SECISBP2: variants seen among roughly 807,000 people sequenced by gnomAD.
SECISBP2 encodes selenocysteine insertion sequence-binding protein 2.
Under a neutral mutation model 98.2 loss-of-function variants are expected in SECISBP2, and 96 were observed. The ratio of observed to expected loss-of-function variants is 0.98; its 90% confidence interval spans 0.83 to 1.16. The LOEUF is 1.16. Ranked by LOEUF, SECISBP2 falls within the 50% of genes most tolerant of loss-of-function variation. The pLI is 0.00. For synonymous variants in SECISBP2, 407 were observed against 370.2 expected (o/e 1.10, Z -1.14); for missense variants, 1,046 against 1,022.9 (o/e 1.02, Z -0.31).
the SECISBP2 span, among the ~76,000 whole-genome samples, chr9:89,365,914 C>T: frequency 2.0e-5 from 3 of 152,206 alleles, no homozygotes; most frequent in Admixed American, 1.3e-4. Flanking sequence ...GTGGCATCTG[C>T]TCATCTTTGT....
At chr9:89,331,073 G>A (rs970807229) in intron 5 of SECISBP2, among the ~76,000 whole-genome samples, 2 of 152,078 alleles carry the variant, frequency 1.3e-5, no homozygotes, top group Non-Finnish European at 2.9e-5. Context: ...GTCTGAAAAT[G>A]ACAAAAAATA....
At chr9:89,338,643 T>C in intron 8 of SECISBP2, 63 bp downstream of exon 8, 1 of 1,544,862 alleles carries the variant, frequency 6.5e-7, no homozygotes, top group Non-Finnish European at 8.8e-7. Flanking sequence ...TAAAAGAAAC[T>C]TGGGTTCATA....
At chr9:89,330,618 C>T (rs2131661796) in intron 5 of SECISBP2, among the ~76,000 whole-genome samples, 1 of 152,324 alleles carries the variant, frequency 6.6e-6, no homozygotes, top group Admixed American at 6.5e-5. Context: ...GACCCTCATA[C>T]AGTTGTACCC....
intron 14 of SECISBP2, chr9:89,355,238 T>C: frequency 3.0e-6 from 3 of 985,474 alleles, no homozygotes; most frequent in Non-Finnish European, 3.6e-6. Context: ...TAAACAGTTG[T>C]TGTTTTTTAC....
At chr9:89,345,136 T>A (rs771509989) in intron 10 of SECISBP2, among the ~76,000 whole-genome samples, 25 of 152,344 alleles carry the variant, frequency 1.6e-4, no homozygotes, top group South Asian at 6.2e-4. Context: ...AAATTCTTGT[T>A]GACCGCCCCA....
intron 14 of SECISBP2, among the ~76,000 whole-genome samples, chr9:89,351,910 C>T (rs1831334331): frequency 6.6e-6 from 1 of 152,116 alleles, no homozygotes; most frequent in East Asian, 1.9e-4. Flanking sequence ...GCTAAAGGGT[C>T]AAGTAGTCCT....
At chr9:89,327,796 T>C (rs1827011317) in intron 4 of SECISBP2, among the ~76,000 whole-genome samples, 1 of 151,616 alleles carries the variant, frequency 6.6e-6, no homozygotes. Context: ...CTTAAGTTTT[T>C]CTTTTGTCGT....
chr9:89,342,395 A>G (rs551622109), intron 10 of SECISBP2, among the ~76,000 whole-genome samples: 19 of 152,306 alleles, frequency 1.2e-4, no homozygotes, highest in African/African-American at 3.8e-4. Flanking sequence ...ACAATGCTCA[A>G]TGCAGTTACT....
At chr9:89,321,385 G>C (rs1326048465) in intron 2 of SECISBP2, among the ~76,000 whole-genome samples, 1 of 152,176 alleles carries the variant, frequency 6.6e-6, no homozygotes, top group Non-Finnish European at 1.5e-5. Context: ...TAGTTTTCTT[G>C]GCCGGGTGTG....
At chr9:89,325,086 A>G in intron 2 of SECISBP2, 1 of 336,862 alleles carries the variant, frequency 3.0e-6, no homozygotes, top group South Asian at 2.5e-5. Flanking sequence ...CCCGCAGCAG[A>G]GAGAATGGTC....
chr9:89,323,946 C>G (rs1012485017), intron 2 of SECISBP2: 1 of 152,186 alleles, frequency 6.6e-6, no homozygotes, highest in African/African-American at 2.4e-5. Flanking sequence ...CTCCTGACTC[C>G]TGGATGAAAA....
At chr9:89,363,379 C>A, downstream of SECISBP2, 1 of 1,587,330 alleles carries the variant, frequency 6.3e-7, no homozygotes. Context: ...GTGGCAGGTG[C>A]CCTGCCCCTG....
chr9:89,325,011 A>G, intron 2 of SECISBP2: 1 of 276,368 alleles, frequency 3.6e-6, no homozygotes, highest in Non-Finnish European at 7.0e-6. Flanking sequence ...GGCTTGGAGC[A>G]GGGAAGGGCT....
chr9:89,342,393 CAATGCAGTTACTACATG>C (rs1829781924), intron 10 of SECISBP2, among the ~76,000 whole-genome samples: 1 of 152,118 alleles, frequency 6.6e-6, no homozygotes, highest in Non-Finnish European at 1.5e-5. Context: ...TAACAATGCT[CAATGCAGTTACTACATG>C]ACTCAGCGAT....
intron 10 of SECISBP2, among the ~76,000 whole-genome samples, chr9:89,341,754 C>T (rs750741805): frequency 3.3e-5 from 5 of 152,142 alleles, no homozygotes; most frequent in Non-Finnish European, 5.9e-5. Flanking sequence ...TTTCCACATG[C>T]TAAAGAATAG....
At chr9:89,348,563 G>T (rs896756543) in intron 12 of SECISBP2, among the ~76,000 whole-genome samples, 24 of 152,238 alleles carry the variant, frequency 1.6e-4, no homozygotes, top group African/African-American at 5.8e-4. Context: ...AGACGTGGGG[G>T]CGTGAACACA....
In SECISBP2 at chr9:89,338,533, A is replaced by G. The variant is rs777249445; in HGVS notation, c.1165A>G (p.Thr389Ala). The G allele has an allele frequency of 5.0e-6, 8 of 1,613,000 alleles. No individual in the cohort carries two copies. Among genetic ancestry groups the G allele is most frequent in the African/African-American group, 1.3e-5 (1 of 74,836 alleles). ...GAATAAGAAAAAGAAAGAAAAATCT[A>G]CATCAAAATATGAAGTCCTGACAGT... ...RKNKKKKEKSTSKYEVLTVQE... is the reference protein window; with the variant it reads ...RKNKKKKEKSASKYEVLTVQE... Residue 389 changes from threonine to alanine, a missense_variant, in exon 8 of 17, where the codon ACA becomes GCA. Thr to Ala is a moderately conservative substitution (Grantham distance 58). Transcript: ENST00000375807.
intron 6 of SECISBP2, chr9:89,333,942 T>TAAAAA: frequency 1.8e-5 from 15 of 827,968 alleles, no homozygotes; most frequent in South Asian, 1.5e-4. Context: ...CAGTCTGTTT[T>TAAAAA]ACCCTTGGGG....
At chr9:89,324,952 G>C (rs1229926047) in intron 2 of SECISBP2, 2 of 212,822 alleles carry the variant, frequency 9.4e-6, no homozygotes, top group East Asian at 2.6e-4. Context: ...TGCGGTGTCT[G>C]CTTTGCGCTC....
Sources: gnomAD v4.1 joint callset for allele counts (sites outside exome capture counted in the v4.1 genomes callset) on GRCh38, gnomAD v4.1.1 for gene constraint, MANE v1.5 for transcripts, NCBI Gene and HGNC (gene_info 2026-07-23, HGNC 2026-07-21) for gene names.